CNTNAP2: variants seen among roughly 807,000 people sequenced by gnomAD.
The protein encoded by CNTNAP2 is contactin-associated protein-like 2.
CNTNAP2 carries 98 observed loss-of-function variants against 155.2 expected under a neutral mutation model. The ratio of observed to expected loss-of-function variants is 0.63; its 90% CI spans 0.54 to 0.75. The LOEUF (loss-of-function observed/expected upper bound fraction) is 0.75. CNTNAP2 is among the 30% of genes least tolerant of loss of function. CNTNAP2 has a pLI of 0.00. For missense variants in CNTNAP2, 1,727 were observed against 1,688.1 expected, an observed-to-expected ratio of 1.02 and a Z score of -0.40; for synonymous variants, 651 against 631.2, an observed-to-expected ratio of 1.03 and a Z score of -0.47.
intron 3 of CNTNAP2, among the ~76,000 whole-genome samples, chr7:147,009,880 A>G (rs1480952375): frequency 6.6e-6 from 1 of 152,170 alleles, no homozygotes; most frequent in African/African-American, 2.4e-5. Flanking sequence ...TAATGTATAT[A>G]GATGTATATG....
At position 147,263,675 on chromosome 7, in the gene CNTNAP2, T is replaced by C. The variant is rs78231695; in HGVS notation, c.1349-36466T>C. Among the ~76,000 whole-genome samples, 148 of 152,274 alleles carry C rather than the reference T, an allele frequency of 9.7e-4. 1 individual carries two copies. The East Asian group carries it at 0.021, about 22-fold the overall frequency. On this transcript the variant is annotated intron_variant, in intron 8 of 23. Coordinates refer to ENST00000361727, the MANE Select transcript of CNTNAP2 (RefSeq NM_014141.6). ...GTCTTTTATCTCTTACATACTGTGTTCTCTACCCGGAAGGAGTGAAGCAGA... is the reference window on the plus strand; with the variant it reads ...GTCTTTTATCTCTTACATACTGTGTCCTCTACCCGGAAGGAGTGAAGCAGA...
intron 13 of CNTNAP2, among the ~76,000 whole-genome samples, chr7:147,771,231 G>A (rs926874711): frequency 6.6e-6 from 1 of 152,094 alleles, no homozygotes; most frequent in Non-Finnish European, 1.5e-5. Context: ...TGTGAAAAGT[G>A]AAACCATAAA....
rs1804269156 is a variant in CNTNAP2 at position 147,254,230 on chromosome 7, A to G, written c.1349-45911A>G. Among the ~76,000 whole-genome samples the G allele has an allele frequency of 2.6e-5, 4 of 152,196 alleles. No homozygotes were observed. In the East Asian group the frequency reaches 7.7e-4, roughly 29 times the overall value. On this transcript the variant is annotated intron_variant, in intron 8 of 23. Transcript: ENST00000361727. ...GTATTTGAAAGACCCTCTGATCACC[A>G]GAAGGTCATTCTTGCTCGCCTTTTC...
chr7:146,198,581 C>G (rs116141007), intron 1 of CNTNAP2, among the ~76,000 whole-genome samples: 2,241 of 152,220 alleles, frequency 0.015, 62 homozygotes, highest in African/African-American at 0.051. Context: ...GTTTTCAAAC[C>G]AGTTCAACCA....
intron 15 of CNTNAP2, among the ~76,000 whole-genome samples, chr7:148,054,231 C>T (rs556194720): frequency 1.3e-5 from 2 of 152,262 alleles, no homozygotes; most frequent in Non-Finnish European, 2.9e-5. Flanking sequence ...CTCGGCCTCC[C>T]ATAGTGCTGG....
chr7:147,274,242 A>G (rs2116711609), intron 8 of CNTNAP2, among the ~76,000 whole-genome samples: 1 of 152,232 alleles, frequency 6.6e-6, no homozygotes, highest in Non-Finnish European at 1.5e-5. Flanking sequence ...TGTTTTCCAT[A>G]GAAGTTGTAC....
intron 11 of CNTNAP2, among the ~76,000 whole-genome samples, chr7:147,551,983 G>A (rs978048043): frequency 2.0e-5 from 3 of 152,096 alleles, no homozygotes; most frequent in Non-Finnish European, 4.4e-5. Context: ...CTTGGCCAAA[G>A]TAAAACTTGA....
chr7:146,977,682 T>A (rs1797937819), intron 3 of CNTNAP2, among the ~76,000 whole-genome samples: 1 of 152,230 alleles, frequency 6.6e-6, no homozygotes. Context: ...GCATTTGATG[T>A]GGAACATTCT....
chr7:148,158,931 A>G (rs1358067650), intron 17 of CNTNAP2, among the ~76,000 whole-genome samples: 1 of 152,274 alleles, frequency 6.6e-6, no homozygotes, highest in Non-Finnish European at 1.5e-5. Flanking sequence ...GATTGTAATA[A>G]AATAAATTAG....
intron 9 of CNTNAP2, among the ~76,000 whole-genome samples, chr7:147,306,123 A>G (rs1229073445): frequency 6.6e-6 from 1 of 152,190 alleles, no homozygotes; most frequent in Non-Finnish European, 1.5e-5. Flanking sequence ...TAGGTTTCAC[A>G]GTTAGGACTT....
intron 1 of CNTNAP2, among the ~76,000 whole-genome samples, chr7:146,490,847 T>A (rs1307501617): frequency 6.6e-6 from 1 of 152,210 alleles, no homozygotes; most frequent in Non-Finnish European, 1.5e-5. Context: ...AGATTCTATA[T>A]CTATCATGGG....
intron 1 of CNTNAP2, among the ~76,000 whole-genome samples, chr7:146,273,086 AAG>A (rs58582637): frequency 0.021 from 2,877 of 137,438 alleles, 104 homozygotes; most frequent in African/African-American, 0.072. Context: ...GAGAAAGAGA[AAG>A]AGAGAGAGAG....
At chr7:146,357,039 C>T (rs1299340865) in intron 1 of CNTNAP2, among the ~76,000 whole-genome samples, 2 of 152,136 alleles carry the variant, frequency 1.3e-5, no homozygotes, top group Non-Finnish European at 1.5e-5. Flanking sequence ...GTTATTATAA[C>T]ATCTTGTTCA....
At chr7:146,140,202 A>G (rs1487421270) in intron 1 of CNTNAP2, among the ~76,000 whole-genome samples, 1 of 152,132 alleles carries the variant, frequency 6.6e-6, no homozygotes, top group African/African-American at 2.4e-5. Context: ...ACAGCAGACG[A>G]CTTATAAAAG....
At position 147,478,748 on chromosome 7, in the gene CNTNAP2, G is replaced by A. The variant is rs140737656; in HGVS notation, c.1671-7187G>A. ...CCATTGCCTTCAACTTAGCCACAGG[G>A]CCATGTAACTTAAAGAAAGCCTGGA... is the stretch of plus-strand genomic sequence containing the variant. On this transcript the variant is annotated intron_variant, in intron 10 of 23. Coordinates refer to ENST00000361727, the MANE Select transcript of CNTNAP2 (RefSeq NM_014141.6). Among the ~76,000 whole-genome samples, 719 of 152,230 alleles carry A rather than the reference G, an allele frequency of 4.7e-3. 2 individuals carry two copies. Among genetic ancestry groups the A allele is most frequent in the African/African-American group, 0.017 (700 of 41,520 alleles).
rs560475477 is a variant in CNTNAP2, at chr7:146,324,655, T to C, written c.97+207682T>C. On this transcript the variant is annotated intron_variant, in intron 1 of 23. Coordinates refer to ENST00000361727, the MANE Select transcript of CNTNAP2 (RefSeq NM_014141.6). ...TTCTATTTTTAATTGCTTTGCTTTT[T>C]CTAATAAATATATATTCCCCTCTTT... 2.0e-5 allele frequency among the ~76,000 whole-genome samples: 3 copies of C among 152,304 alleles called. No homozygotes were observed. In the East Asian group the frequency reaches 5.8e-4, roughly 29 times the overall value.
intron 1 of CNTNAP2, among the ~76,000 whole-genome samples, chr7:146,717,379 G>T (rs1013012806): frequency 2.0e-5 from 3 of 151,344 alleles, no homozygotes; most frequent in African/African-American, 4.9e-5. Context: ...CATGTGTGGT[G>T]GTGGGTGCCT....
intron 1 of CNTNAP2, among the ~76,000 whole-genome samples, chr7:146,232,775 A>G (rs1219391720): frequency 6.6e-6 from 1 of 152,114 alleles, no homozygotes; most frequent in Non-Finnish European, 1.5e-5. Flanking sequence ...TAAGTGACAA[A>G]AACAATGTCA....
intron 12 of CNTNAP2, among the ~76,000 whole-genome samples, chr7:147,575,357 T>A (rs964771330): frequency 7.4e-6 from 1 of 136,036 alleles, no homozygotes; most frequent in African/African-American, 2.9e-5. Flanking sequence ...GTGTGTGTAT[T>A]CCCTAGCTTT....
Sources: gnomAD v4.1 joint callset for allele counts (sites outside exome capture counted in the v4.1 genomes callset) on GRCh38, gnomAD v4.1.1 for gene constraint, MANE v1.5 for transcripts, NCBI Gene and HGNC (gene_info 2026-07-23, HGNC 2026-07-21) for gene names.